Variants in CFAP43 observed in about 807,000 individuals in gnomAD.
CFAP43 encodes the protein cilia- and flagella-associated protein 43.
A neutral mutation model predicts 218.9 loss-of-function variants in CFAP43; 155 were observed. The observed-to-expected ratio is 0.71, with a 90% CI of 0.62 to 0.81. The LOEUF (loss-of-function observed/expected upper bound fraction) is 0.81. CFAP43 is among the 30% of genes least tolerant of loss of function. The pLI is 0.00. For synonymous variants in CFAP43, 645 were observed against 681.3 expected (o/e 0.95, Z 0.83); for missense variants, 1,778 against 1,954.3 (o/e 0.91, Z 1.70).
chr10:104,178,955 G>A (rs949711798), intron 19 of CFAP43, 74 bp downstream of exon 19: 9 of 1,169,760 alleles, frequency 7.7e-6, no homozygotes, highest in Non-Finnish European at 1.1e-5. Context: ...CCTCAGGGTA[G>A]AACAAAATTA....
At chr10:104,136,463 C>T (rs920615865) in intron 34 of CFAP43, among the ~76,000 whole-genome samples, 3 of 151,726 alleles carry the variant, frequency 2.0e-5, no homozygotes, top group Admixed American at 6.6e-5. Flanking sequence ...CTCCGCCTCC[C>T]GAGTTCAAGT....
chr10:104,147,382 A>C (rs2088027255), intron 29 of CFAP43, among the ~76,000 whole-genome samples: 1 of 152,056 alleles, frequency 6.6e-6, no homozygotes, highest in Non-Finnish European at 1.5e-5. Flanking sequence ...TTATGTGATA[A>C]ACATTTTGTA....
Position 104,166,564 on chromosome 10 carries a change from A to AC in CFAP43, c.2962dup (p.Val988GlyfsTer38). 6.2e-7 allele frequency: 1 copy of AC among 1,614,116 alleles called. No individual in the cohort carries two copies. The highest frequency in any genetic ancestry group is 8.5e-7 in the Non-Finnish European group (1 of 1,180,022). ...TTGGCTTGACAATAAAGAGGTATCTACCCCAAAATCAGTACTCAGACTACC... is the reference window on the plus strand; with the variant it reads ...TTGGCTTGACAATAAAGAGGTATCTACCCCCAAAATCAGTACTCAGACTACC... On this transcript the variant is annotated frameshift_variant, in exon 23 of 38. Coordinates refer to ENST00000357060, the MANE Select transcript of CFAP43 (RefSeq NM_025145.7). LOFTEE classifies it high-confidence loss of function.
At position 104,211,642 on chromosome 10, in the gene CFAP43, C is replaced by T. The variant is rs115086952; in HGVS notation, c.735+365G>A. Among the ~76,000 whole-genome samples the T allele has an allele frequency of 8.8e-3, 1,345 of 152,276 alleles. 13 individuals carry two copies. The highest frequency in any genetic ancestry group is 0.031 in the African/African-American group (1,287 of 41,564). On this transcript the variant is annotated intron_variant, in intron 5 of 37. Coordinates refer to ENST00000357060, the MANE Select transcript of CFAP43 (RefSeq NM_025145.7). ...CATCACATCCCCTCAGTGCTCCCAC[C>T]GTCCTATCTGTGAGAATGACACTGA... is the stretch of plus-strand genomic sequence containing the variant.
At chr10:104,181,223 A>T (rs1185276512) in intron 17 of CFAP43, among the ~76,000 whole-genome samples, 1 of 152,152 alleles carries the variant, frequency 6.6e-6, no homozygotes, top group Non-Finnish European at 1.5e-5. Context: ...AAGTAAAACA[A>T]TCTAGGAGTT....
At position 104,193,974 on chromosome 10, in the gene CFAP43, G is replaced by A. The variant is rs1406724578; in HGVS notation, c.1334C>T (p.Ala445Val). The change falls in exon 11 of 38, where the codon GCC (alanine) becomes GTC (valine). Residue 445 changes from alanine to valine, a missense_variant. Coordinates refer to ENST00000357060, the MANE Select transcript of CFAP43 (RefSeq NM_025145.7). ...LACCPSSLSA[A>V]VGTEDGSVYF... ...GACCGAGCCATCCTCCGTGCCCACG[G>A]CTGCAGAGAGGGAGGATGGACAGCA... The A allele has an allele frequency of 6.2e-7, 1 of 1,614,022 alleles. No individual in the cohort carries two copies. The highest frequency in any genetic ancestry group is 2.2e-5 in the East Asian group (1 of 44,886).
chr10:104,205,138 A>G (rs34799273), intron 7 of CFAP43, among the ~76,000 whole-genome samples: 30,026 of 143,424 alleles, frequency 0.21, 3,129 homozygotes, highest in South Asian at 0.36. Context: ...GCGTGAACCC[A>G]GGAGTTGGAG....
intron 27 of CFAP43, among the ~76,000 whole-genome samples, chr10:104,157,246 C>CCCATA (rs1296682197): frequency 1.3e-5 from 2 of 152,106 alleles, no homozygotes; most frequent in Non-Finnish European, 2.9e-5. Flanking sequence ...GTAAGGCAGG[C>CCCATA]CCATACCTTT....
At chr10:104,189,842 AAAAAC>A (rs561521727) in intron 12 of CFAP43, among the ~76,000 whole-genome samples, 1 of 152,128 alleles carries the variant, frequency 6.6e-6, no homozygotes, top group African/African-American at 2.4e-5. Context: ...TTCTCTACTA[AAAAAC>A]AAAACAAAAC....
At chr10:104,187,611 A>C in intron 13 of CFAP43, 119 bp from the exon 14 acceptor site, 1 of 832,754 alleles carries the variant, frequency 1.2e-6, no homozygotes, top group Non-Finnish European at 1.7e-6. Flanking sequence ...AATATTGCGG[A>C]AGCTAGTAGG....
chr10:104,179,866 G>GA lies in CFAP43; in HGVS notation c.2355dup (p.Pro786SerfsTer16), dbSNP rs766708174. The stretch of plus-strand genomic sequence containing the variant: ...TCTTGGCTTTTTTGTTGTATCCAAG[G>GA]AATTTCCTTCTTAACATCGGTTAGA... On this transcript the variant is annotated frameshift_variant, in exon 18 of 38. Coordinates refer to ENST00000357060, the MANE Select transcript of CFAP43 (RefSeq NM_025145.7). LOFTEE classifies it high-confidence loss of function. The GA allele has an allele frequency of 6.2e-7, 1 of 1,613,498 alleles. No individual in the cohort carries two copies. The highest frequency in any genetic ancestry group is 1.3e-5 in the African/African-American group (1 of 74,992).
chr10:104,175,454 T>C (rs966355457), intron 19 of CFAP43, among the ~76,000 whole-genome samples: 1 of 152,116 alleles, frequency 6.6e-6, no homozygotes, highest in Non-Finnish European at 1.5e-5. Flanking sequence ...TGTAAATATA[T>C]AAATATACAG....
chr10:104,171,075 T>G (rs1334785105), intron 20 of CFAP43, among the ~76,000 whole-genome samples: 1 of 152,184 alleles, frequency 6.6e-6, no homozygotes, highest in Non-Finnish European at 1.5e-5. Context: ...CTTGAAGTGG[T>G]TTTCTTTGAC....
At chr10:104,208,500 T>G (rs961830105) in intron 5 of CFAP43, among the ~76,000 whole-genome samples, 2 of 152,168 alleles carry the variant, frequency 1.3e-5, no homozygotes, top group African/African-American at 4.8e-5. Context: ...ATAAATATAT[T>G]TGATGACATT....
At chr10:104,175,226 C>A (rs1371917791) in intron 19 of CFAP43, among the ~76,000 whole-genome samples, 1 of 152,070 alleles carries the variant, frequency 6.6e-6, no homozygotes, top group Non-Finnish European at 1.5e-5. Flanking sequence ...GAATTCAAGA[C>A]CAGCCTGGGC....
At chr10:104,207,964 C>T (rs2090746480) in intron 5 of CFAP43, 140 bp from the exon 6 acceptor site, 1 of 774,052 alleles carries the variant, frequency 1.3e-6, no homozygotes, top group Non-Finnish European at 1.9e-6. Flanking sequence ...GAGCATTCAT[C>T]ATAATAATTT....
At chr10:104,189,131 T>C (rs2090127780) in intron 12 of CFAP43, among the ~76,000 whole-genome samples, 1 of 152,202 alleles carries the variant, frequency 6.6e-6, no homozygotes, top group Admixed American at 6.5e-5. Flanking sequence ...TTTCCTGACA[T>C]TGATGTAGGA....
At chr10:104,179,155 CAGAGAGAGAG>C (rs60561340) in intron 18 of CFAP43, 49 bp from the exon 19 acceptor site, 17 of 1,066,660 alleles carry the variant, frequency 1.6e-5, no homozygotes, top group South Asian at 4.6e-5. Flanking sequence ...AAATATCAGA[CAGAGAGAGAG>C]AGAGAGAGAG....
In CFAP43 at chr10:104,179,028, C is replaced by T. The variant is rs1274173185; in HGVS notation, c.2460+1G>A. On this transcript the variant is annotated splice_donor_variant, in intron 19 of 37. Coordinates refer to ENST00000357060, the MANE Select transcript of CFAP43 (RefSeq NM_025145.7). LOFTEE classifies it high-confidence loss of function. ...TTAGAATATGAAATTACAACACTTA[C>T]AGTTTTGGAAAGTGATTTGATTCCT... 18 of 1,608,328 alleles carry T rather than the reference C, an allele frequency of 1.1e-5. No individual in the cohort carries two copies. The highest frequency in any genetic ancestry group is 1.3e-5 in the Non-Finnish European group (15 of 1,175,786).
Sources: gnomAD v4.1 joint callset for allele counts (sites outside exome capture counted in the v4.1 genomes callset) on GRCh38, gnomAD v4.1.1 for gene constraint, MANE v1.5 for transcripts, NCBI Gene and HGNC (gene_info 2026-07-23, HGNC 2026-07-21) for gene names.